The following SSH2 variants were observed in gnomAD, a reference collection of about 807,000 sequenced individuals.
SSH2 encodes protein phosphatase Slingshot homolog 2.
Under a neutral mutation model 135.2 loss-of-function variants are expected in SSH2, and 37 were observed. The observed-to-expected ratio is 0.27, with a 90% CI of 0.21 to 0.36. The LOEUF (loss-of-function observed/expected upper bound fraction) is 0.36, where lower values mean the gene tolerates loss of function less well. SSH2 is among the 10% of genes least tolerant of loss of function. The probability of loss-of-function intolerance (pLI) is 1.00; values close to 1 mark genes in which losing one functional copy is unlikely to be tolerated. For missense variants in SSH2, 1,408 were observed against 1,765.3 expected (o/e 0.80, Z 3.63); for synonymous variants, 628 against 646.2 (o/e 0.97, Z 0.43).
At chr17:29,893,880 T>C (rs1047005631) in intron 1 of SSH2, among the ~76,000 whole-genome samples, 3 of 152,140 alleles carry the variant, frequency 2.0e-5, no homozygotes, top group African/African-American at 4.8e-5. Flanking sequence ...ACAAATTGAG[T>C]TGGGAAACAC....
chr17:29,727,490 A>C (rs2040040865), intron 3 of SSH2, among the ~76,000 whole-genome samples: 2 of 152,236 alleles, frequency 1.3e-5, no homozygotes, highest in South Asian at 2.1e-4. Flanking sequence ...GTAGTTGTGT[A>C]AAACATGGCT....
At chr17:29,886,503 T>C (rs2066240710) in intron 1 of SSH2, among the ~76,000 whole-genome samples, 1 of 151,798 alleles carries the variant, frequency 6.6e-6, no homozygotes, top group South Asian at 2.1e-4. Flanking sequence ...TCCCAGCACT[T>C]TGGGAGGCTG....
chr17:29,885,468 G>A (rs1019388164), intron 1 of SSH2, among the ~76,000 whole-genome samples: 1 of 151,788 alleles, frequency 6.6e-6, no homozygotes, highest in Non-Finnish European at 1.5e-5. Context: ...TTTTAAGGAA[G>A]TGTCTCTTGG....
chr17:29,752,277 CA>C (rs2040969212), intron 3 of SSH2, among the ~76,000 whole-genome samples: 1 of 152,056 alleles, frequency 6.6e-6, no homozygotes, highest in African/African-American at 2.4e-5. Context: ...AAAGCACTGG[CA>C]TACATTTGTC....
intron 4 of SSH2, among the ~76,000 whole-genome samples, chr17:29,697,941 A>T (rs1393214813): frequency 2.0e-5 from 3 of 152,242 alleles, no homozygotes; most frequent in Admixed American, 6.5e-5. Flanking sequence ...AAACAACTCA[A>T]ATGTCTATCA....
chr17:29,643,530 T>A (rs2036250891), intron 14 of SSH2, among the ~76,000 whole-genome samples: 1 of 151,850 alleles, frequency 6.6e-6, no homozygotes, highest in Non-Finnish European at 1.5e-5. Flanking sequence ...TGCTTTAGCC[T>A]CCTGATTAGC....
At chr17:29,667,957 AATT>A (rs1339201790) in intron 9 of SSH2, among the ~76,000 whole-genome samples, 2 of 152,172 alleles carry the variant, frequency 1.3e-5, no homozygotes, top group Non-Finnish European at 2.9e-5. Context: ...CTGACTCTCC[AATT>A]ATTAGAAAGG....
chr17:29,662,021 AT>A (rs1243776162), intron 11 of SSH2, among the ~76,000 whole-genome samples: 1 of 152,124 alleles, frequency 6.6e-6, no homozygotes, highest in African/African-American at 2.4e-5. Flanking sequence ...TGCAGACCCA[AT>A]TTCCCCCCCG....
At chr17:29,731,366 T>C (rs1319877471) in intron 3 of SSH2, among the ~76,000 whole-genome samples, 6 of 152,078 alleles carry the variant, frequency 3.9e-5, no homozygotes, top group Non-Finnish European at 1.5e-5. Context: ...CATATTTCTA[T>C]AGTATTAAAT....
At chr17:29,911,284 G>GT (rs74326557) in intron 1 of SSH2, among the ~76,000 whole-genome samples, 74,169 of 152,008 alleles carry the variant, frequency 0.49, 18,760 homozygotes, top group East Asian at 0.69. Context: ...AAGAAACTGT[G>GT]CCCCTCAGAC....
At chr17:29,719,323 G>A (rs937206139) in intron 3 of SSH2, among the ~76,000 whole-genome samples, 2 of 152,170 alleles carry the variant, frequency 1.3e-5, no homozygotes, top group Non-Finnish European at 2.9e-5. Flanking sequence ...GTGGTTAGGT[G>A]TTGGCTTTGA....
chr17:29,786,594 G>GT, intron 3 of SSH2, among the ~76,000 whole-genome samples: 1 of 152,032 alleles, frequency 6.6e-6, no homozygotes, highest in Non-Finnish European at 1.5e-5. Context: ...CTGATTTTCT[G>GT]TAATTATGTT....
chr17:29,720,739 T>A (rs1016284605), intron 3 of SSH2, among the ~76,000 whole-genome samples: 5 of 150,776 alleles, frequency 3.3e-5, no homozygotes, highest in African/African-American at 1.2e-4. Flanking sequence ...AAAAAAAAAA[T>A]TAACGATGAT....
intron 6 of SSH2, among the ~76,000 whole-genome samples, chr17:29,680,376 C>T (rs1207441902): frequency 2.6e-5 from 4 of 151,220 alleles, no homozygotes; most frequent in African/African-American, 9.7e-5. Context: ...GAAACTCCAT[C>T]TCTACACTAA....
At chr17:29,819,189 G>GA (rs1252667347) in intron 2 of SSH2, among the ~76,000 whole-genome samples, 4 of 150,136 alleles carry the variant, frequency 2.7e-5, no homozygotes, top group East Asian at 1.9e-4. Context: ...TCGCGCCATT[G>GA]AAAAAAAAAG....
chr17:29,747,961 T>C (rs1354864824), intron 3 of SSH2, among the ~76,000 whole-genome samples: 1 of 152,156 alleles, frequency 6.6e-6, no homozygotes, highest in East Asian at 1.9e-4. Context: ...GTGTTAAGTC[T>C]AGAGACACTT....
intron 14 of SSH2, among the ~76,000 whole-genome samples, chr17:29,647,043 G>A (rs920651042): frequency 6.6e-6 from 1 of 151,484 alleles, no homozygotes; most frequent in Non-Finnish European, 1.5e-5. Flanking sequence ...GGGAGGCCGA[G>A]GCGAGCGGAT....
At chr17:29,791,972 G>C (rs533407410) in intron 3 of SSH2, among the ~76,000 whole-genome samples, 2 of 149,280 alleles carry the variant, frequency 1.3e-5, no homozygotes, top group African/African-American at 5.0e-5. Flanking sequence ...GCCCAGACTG[G>C]AGTGCAGTTG....
chr17:29,673,975 G>C, intron 8 of SSH2: 1 of 373,336 alleles, frequency 2.7e-6, no homozygotes, highest in East Asian at 7.3e-5. Context: ...CATTCTTAGA[G>C]CTAAAATCTT....
Sources: allele counts gnomAD v4.1 joint callset (sites outside exome capture counted in the v4.1 genomes callset), GRCh38; gene constraint gnomAD v4.1.1; transcripts MANE v1.5; gene names NCBI Gene and HGNC (gene_info 2026-07-23, HGNC 2026-07-21).